CLIP3: variants seen among roughly 807,000 people sequenced by gnomAD.
CLIP3 encodes the protein CAP-Gly domain containing linker protein 3, also known as CAP-Gly domain-containing linker protein 3.
CLIP3 carries 15 observed loss-of-function variants against 59.4 expected under a neutral mutation model. The observed-to-expected ratio is 0.25, with a 90% CI of 0.17 to 0.39. The LOEUF (loss-of-function observed/expected upper bound fraction) is 0.39, where lower values mean the gene tolerates loss of function less well. Ranked by LOEUF, CLIP3 falls within the 10% of genes least tolerant of loss-of-function variation. The pLI is 1.00. For missense variants in CLIP3, 495 were observed against 765.7 expected (o/e 0.65, Z 4.17); for synonymous variants, 300 against 321.6 (o/e 0.93, Z 0.72).
chr19:36,020,328 C>T (rs1968920757), intron 7 of CLIP3, among the ~76,000 whole-genome samples: 1 of 150,930 alleles, frequency 6.6e-6, no homozygotes, highest in Non-Finnish European at 1.5e-5. Context: ...TTAGTCCGGG[C>T]GCGGTGGCTC....
chr19:36,018,349 C>T (rs1043915492), intron 9 of CLIP3, among the ~76,000 whole-genome samples: 6 of 152,054 alleles, frequency 3.9e-5, no homozygotes, highest in South Asian at 2.1e-4. Context: ...GAGGCCGAGG[C>T]GGGCAGATCA....
intron 2 of CLIP3, among the ~76,000 whole-genome samples, chr19:36,027,907 G>A (rs568929522): frequency 1.1e-4 from 17 of 152,072 alleles, no homozygotes; most frequent in African/African-American, 1.7e-4. Context: ...GTGGTGGTGC[G>A]CATTGGTGCT....
Position 36,024,339 on chromosome 19 carries a change from T to A in CLIP3, c.918+57A>T, listed in dbSNP as rs1156892801. ...TGCCCGAGGACGCAGCTCCAAGGGATTAAGGGGCTGAGTCCCACCCCCACC... is the reference window on the plus strand; with the variant it reads ...TGCCCGAGGACGCAGCTCCAAGGGAATAAGGGGCTGAGTCCCACCCCCACC... On this transcript the variant is annotated intron_variant, in intron 7 of 13. Transcript: ENST00000360535. The A allele has an allele frequency of 1.4e-5, 20 of 1,479,802 alleles. No homozygotes were observed. The South Asian group carries it at 1.9e-4, about 14-fold the overall frequency. 91.7% of individuals were successfully genotyped at this position (1,479,802 alleles called of 1,614,324 possible).
intron 7 of CLIP3, among the ~76,000 whole-genome samples, chr19:36,022,848 G>T (rs1316875644): frequency 6.6e-6 from 1 of 152,148 alleles, no homozygotes; most frequent in Non-Finnish European, 1.5e-5. Context: ...GAGGTCAGGA[G>T]ATCAAGACCA....
chr19:36,018,977 G>T lies in CLIP3; in HGVS notation c.1104C>A (p.Pro368=), dbSNP rs190467252. Residue 368 remains proline, a synonymous_variant, in exon 9 of 14, where the codon CCC becomes CCA. Coordinates refer to ENST00000360535, the MANE Select transcript of CLIP3 (RefSeq NM_015526.3). The part of the protein sequence containing the change: ...SKISKAVDAP[P]SSVTSTPRTP... ...TCCGGGGTGTGGAGGTGACAGAGGA[G>T]GGGGGTGCGTCCACTGCCTTGGAGA... 6 of 1,604,538 alleles carry T rather than the reference G, an allele frequency of 3.7e-6. No homozygotes were observed. In the African/African-American group the frequency reaches 6.7e-5, roughly 18 times the overall value.
Position 36,024,351 on chromosome 19 carries a change from G to GAAA in CLIP3, c.918+44_918+45insTTT, listed in dbSNP as rs746118340. On this transcript the variant is annotated intron_variant, in intron 7 of 13. Transcript: ENST00000360535. ...CAGCTCCAAGGGATTAAGGGGCTGA[G>GAAA]TCCCACCCCCACCCACCATGCAAAC... is the stretch of plus-strand genomic sequence containing the variant. The GAAA allele has an allele frequency of 2.6e-6, 4 of 1,545,104 alleles. No homozygotes were observed. In the African/African-American group the frequency reaches 5.4e-5, roughly 21 times the overall value.
chr19:36,028,887 A>G (rs1188538369), intron 2 of CLIP3, among the ~76,000 whole-genome samples: 5 of 150,784 alleles, frequency 3.3e-5, no homozygotes, highest in Non-Finnish European at 7.4e-5. Context: ...TAGACTTCCC[A>G]CACATCTTCA....
chr19:36,032,323 G>A lies in CLIP3; in HGVS notation c.35C>T (p.Pro12Leu). ...CTCTTCTTCCTCCTCTCCTCGGGGT[G>A]GCGGGGCCATCGGGGCAGGATCTGT... is the stretch of plus-strand genomic sequence containing the variant. ...TKTDPAPMAP[P>L]PRGEEEEEEE... The change falls in exon 2 of 14, where the codon CCA becomes CTA. Residue 12 changes from proline to leucine, a missense_variant. Transcript: ENST00000360535. The surrounding 1 kb of genome is among the most constrained non-coding windows in gnomAD (Gnocchi z 4.3). 7.8e-7 allele frequency: 1 copy of A among 1,275,688 alleles called. No homozygotes were observed. Among genetic ancestry groups the A allele is most frequent in the Non-Finnish European group, 1.0e-6 (1 of 1,002,894 alleles). 79.0% of individuals were successfully genotyped at this position (1,275,688 alleles called of 1,614,324 possible).
intron 2 of CLIP3, among the ~76,000 whole-genome samples, chr19:36,031,828 C>T (rs773415165): frequency 6.6e-6 from 1 of 152,102 alleles, no homozygotes; most frequent in African/African-American, 2.4e-5. Flanking sequence ...TGGTTTAATA[C>T]CTATTTGTGT....
rs896867312 is a variant in CLIP3 at position 36,032,560 on chromosome 19, T to G, written c.-58-145A>C. ...CCGTTACCCATAGAGGGCCCCGGTG[T>G]GTGCGCCCAGCGCCTGCCACCTCCC... On this transcript the variant is annotated intron_variant, in intron 1 of 13. Coordinates refer to ENST00000360535, the MANE Select transcript of CLIP3 (RefSeq NM_015526.3). This position sits in a 1 kb window ranked among gnomAD's most constrained non-coding sequence, Gnocchi z 4.3. 5.2e-6 allele frequency: 2 copies of G among 386,254 alleles called. No homozygotes were observed. Among genetic ancestry groups the G allele is most frequent in the Admixed American group, 9.0e-5 (2 of 22,322 alleles). 23.9% of individuals were successfully genotyped at this position (386,254 alleles called of 1,614,324 possible).
intron 7 of CLIP3, among the ~76,000 whole-genome samples, chr19:36,019,849 C>T (rs568472544): frequency 1.5e-4 from 23 of 151,852 alleles, no homozygotes; most frequent in Middle Eastern, 3.4e-3. Flanking sequence ...GTGATCCACC[C>T]GCCTCGGCCT....
intron 2 of CLIP3, among the ~76,000 whole-genome samples, chr19:36,031,008 C>CTTTTTTTTTTTTTTTTTTTTTTTTTT (rs374690845): frequency 1.6e-3 from 121 of 77,818 alleles, no homozygotes; most frequent in Non-Finnish European, 1.9e-3. Context: ...TTTTTCTTTT[C>CTTTTTTTTTTTTTTTTTTTTTTTTTT]TTTTTTTTTT....
At chr19:36,019,850 G>A (rs895741697) in intron 7 of CLIP3, among the ~76,000 whole-genome samples, 5 of 151,602 alleles carry the variant, frequency 3.3e-5, no homozygotes, top group African/African-American at 9.7e-5. Flanking sequence ...TGATCCACCC[G>A]CCTCGGCCTC....
intron 11 of CLIP3, 76 bp downstream of exon 11, chr19:36,017,579 G>T (rs1968832795): frequency 3.1e-6 from 5 of 1,605,592 alleles, no homozygotes; most frequent in Non-Finnish European, 4.3e-6. Flanking sequence ...CTGCTGGTCT[G>T]GGAGGAGGAG....
In CLIP3 at chr19:36,016,060, G is replaced by GT. The variant is rs2145384520; in HGVS notation, c.*97dup. Reference sequence around the variant, plus strand: ...GCTAACAGGGGTCTCTACTCTGGATGTGTTACTGGGAATCTCTATCTCAGG... The same window carrying GT: ...GCTAACAGGGGTCTCTACTCTGGATGTTGTTACTGGGAATCTCTATCTCAGG... On this transcript the variant is annotated 3_prime_UTR_variant, in exon 14 of 14. Coordinates refer to ENST00000360535, the MANE Select transcript of CLIP3 (RefSeq NM_015526.3). The surrounding 1 kb of genome is among the most constrained non-coding windows in gnomAD (Gnocchi z 4.1). 2 of 1,275,932 alleles carry GT rather than the reference G, an allele frequency of 1.6e-6. No homozygotes were observed. Among genetic ancestry groups the GT allele is most frequent in the East Asian group, 4.8e-5 (2 of 41,970 alleles). The allele number at this position is 1,275,932 out of a possible 1,614,324, so 79.0% of individuals were successfully genotyped here.
At position 36,024,534 on chromosome 19, in the gene CLIP3, C is replaced by T. The variant is rs139224320; in HGVS notation, c.780G>A (p.Thr260=). 130 of 1,614,246 alleles carry T rather than the reference C, an allele frequency of 8.1e-5. 2 individuals carry two copies. In the Middle Eastern group the frequency reaches 8.3e-4, roughly 10 times the overall value. ...EAALVAKELR[T]LLEEAVPLSC... is the part of the protein sequence containing the mutation. ...ATAGTGGCACTGCCTCTTCCAGAAG[C>T]GTCCGCAGCTCCTTGGCCACCAGTG... The change falls in exon 7 of 14, where the codon ACG becomes ACA. Residue 260 remains threonine, a synonymous_variant. Coordinates refer to ENST00000360535, the MANE Select transcript of CLIP3 (RefSeq NM_015526.3).
chr19:36,025,475 T>C (rs1209922418), intron 6 of CLIP3, among the ~76,000 whole-genome samples: 3 of 150,932 alleles, frequency 2.0e-5, no homozygotes, highest in East Asian at 2.0e-4. Flanking sequence ...CCTATAATTC[T>C]ACCTACTCGG....
chr19:36,019,607 ATT>A (rs1413659385), intron 7 of CLIP3, among the ~76,000 whole-genome samples: 7 of 117,576 alleles, frequency 6.0e-5, no homozygotes, highest in Admixed American at 3.0e-4. Flanking sequence ...TATTTTATTT[ATT>A]TTTTTTTTTT....
intron 7 of CLIP3, among the ~76,000 whole-genome samples, chr19:36,021,154 C>T (rs945112338): frequency 2.6e-4 from 40 of 151,768 alleles, no homozygotes; most frequent in Non-Finnish European, 3.4e-4. Flanking sequence ...GCTGGGATTA[C>T]AGGTGTGAAG....
Sources: gnomAD v4.1 joint callset for allele counts (sites outside exome capture counted in the v4.1 genomes callset) on GRCh38, gnomAD v4.1.1 for gene constraint, Gnocchi (gnomAD v3.1) non-coding constraint, MANE v1.5 for transcripts, NCBI Gene and HGNC (gene_info 2026-07-23, HGNC 2026-07-21) for gene names.